DCC: variants seen among roughly 807,000 people sequenced by gnomAD.
The protein encoded by DCC is netrin receptor DCC.
Under a neutral mutation model 172.5 loss-of-function variants are expected in DCC, and 58 were observed. That is an observed-to-expected ratio of 0.34 (90% CI 0.27 to 0.42). The LOEUF (loss-of-function observed/expected upper bound fraction) is 0.42. Ranked by LOEUF, DCC falls within the 10% of genes least tolerant of loss-of-function variation. The pLI, the probability that DCC is intolerant of heterozygous loss-of-function variation, is 1.00. For missense variants in DCC, 1,740 were observed against 1,791.0 expected (o/e 0.97, Z 0.51); for synonymous variants, 709 against 644.5 (o/e 1.10, Z -1.52).
intron 12 of DCC, among the ~76,000 whole-genome samples, chr18:53,285,426 C>A (rs1375551507): frequency 6.6e-6 from 1 of 152,208 alleles, no homozygotes; most frequent in East Asian, 1.9e-4. Flanking sequence ...AGCCCCAAAC[C>A]TTGGAAGCTT....
chr18:53,460,219 T>A (rs1011127038), intron 24 of DCC, among the ~76,000 whole-genome samples: 6 of 107,864 alleles, frequency 5.6e-5, no homozygotes, highest in African/African-American at 1.7e-4. Context: ...CCAAATACTA[T>A]CATCAAAAAA....
At chr18:53,281,803 A>G (rs930909323) in intron 12 of DCC, among the ~76,000 whole-genome samples, 6 of 141,932 alleles carry the variant, frequency 4.2e-5, no homozygotes, top group Non-Finnish European at 6.0e-5. Context: ...GCACTTTGCC[A>G]GTATACCACC....
At chr18:53,101,566 C>T (rs2043172457) in intron 7 of DCC, among the ~76,000 whole-genome samples, 1 of 152,120 alleles carries the variant, frequency 6.6e-6, no homozygotes, top group Admixed American at 6.6e-5. Context: ...AATAAGCTCA[C>T]AGGGGTATTT....
chr18:52,385,241 A>G (rs1985747403), intron 1 of DCC, among the ~76,000 whole-genome samples: 1 of 152,116 alleles, frequency 6.6e-6, no homozygotes, highest in South Asian at 2.1e-4. Context: ...AATAGCCAGC[A>G]AGGCTTCATT....
intron 1 of DCC, among the ~76,000 whole-genome samples, chr18:52,706,118 A>C (rs535799517): frequency 1.3e-5 from 2 of 152,220 alleles, no homozygotes; most frequent in Non-Finnish European, 2.9e-5. Context: ...TGTGTTATTC[A>C]GAAATGTATA....
chr18:52,398,974 A>G (rs1986337188), intron 1 of DCC, among the ~76,000 whole-genome samples: 1 of 152,008 alleles, frequency 6.6e-6, no homozygotes, highest in Non-Finnish European at 1.5e-5. Context: ...AAATAAATAA[A>G]TAAACAAATA....
intron 1 of DCC, among the ~76,000 whole-genome samples, chr18:52,693,233 A>C (rs564165425): frequency 2.6e-5 from 4 of 151,752 alleles, no homozygotes; most frequent in African/African-American, 9.7e-5. Context: ...ATGTGTGTAC[A>C]CATGGGCAGT....
intron 9 of DCC, among the ~76,000 whole-genome samples, chr18:53,196,901 C>G (rs2055451120): frequency 6.6e-6 from 1 of 151,994 alleles, no homozygotes; most frequent in African/African-American, 2.4e-5. Flanking sequence ...TCTTCCTAGC[C>G]AAATTACTGT....
intron 5 of DCC, among the ~76,000 whole-genome samples, chr18:53,028,401 C>A (rs2143948438): frequency 6.6e-6 from 1 of 152,194 alleles, no homozygotes; most frequent in Admixed American, 6.6e-5. Flanking sequence ...ACAGACTTGC[C>A]TCTTTTCACC....
intron 2 of DCC, among the ~76,000 whole-genome samples, chr18:52,798,084 T>TTGC (rs1555664365): frequency 1.3e-5 from 2 of 152,154 alleles, no homozygotes; most frequent in South Asian, 2.1e-4. Context: ...GCACAAAGGC[T>TTGC]ACACATAGCA....
At chr18:53,489,187 C>T (rs1249193877) in intron 26 of DCC, among the ~76,000 whole-genome samples, 1 of 151,982 alleles carries the variant, frequency 6.6e-6, no homozygotes, top group African/African-American at 2.4e-5. Flanking sequence ...GATTTTTTAA[C>T]TTTATCTAAA....
Position 53,205,367 on chromosome 18 carries a change from A to G in DCC, c.1722+3A>G. 6.2e-7 allele frequency: 1 copy of G among 1,613,726 alleles called. No individual in the cohort carries two copies. Among genetic ancestry groups the G allele is most frequent in the Non-Finnish European group, 8.5e-7 (1 of 1,179,672 alleles). On this transcript the variant is annotated splice_donor_region_variant and intron_variant, in intron 10 of 28. Transcript: ENST00000442544. ...AGGTGTCCACAGGAAAAGAACAGGT[A>G]GGTGAAGGAATGGACCACACTGCTT...
chr18:52,896,363 T>G (rs1009369852), intron 2 of DCC, among the ~76,000 whole-genome samples: 4 of 152,204 alleles, frequency 2.6e-5, no homozygotes, highest in African/African-American at 9.7e-5. Context: ...GAGTCTGCAT[T>G]TGGCTTAATG....
chr18:53,096,225 GCT>G (rs2144200141), intron 7 of DCC, among the ~76,000 whole-genome samples: 1 of 152,182 alleles, frequency 6.6e-6, no homozygotes, highest in Non-Finnish European at 1.5e-5. Flanking sequence ...TATAGTCCTA[GCT>G]ACTCAGGAGT....
At chr18:52,846,451 G>A (rs35938312) in intron 2 of DCC, among the ~76,000 whole-genome samples, 43,036 of 151,950 alleles carry the variant, frequency 0.28, 7,761 homozygotes, top group Non-Finnish European at 0.41. Flanking sequence ...GAGGTAGGAG[G>A]ATTGCTTGAG....
At chr18:52,605,077 G>A (rs1178086547) in intron 1 of DCC, among the ~76,000 whole-genome samples, 1 of 151,988 alleles carries the variant, frequency 6.6e-6, no homozygotes, top group African/African-American at 2.4e-5. Flanking sequence ...CTATATCATG[G>A]TCACTGACTT....
intron 2 of DCC, among the ~76,000 whole-genome samples, chr18:52,789,964 G>A (rs1446341590): frequency 6.6e-6 from 1 of 152,090 alleles, no homozygotes; most frequent in Admixed American, 6.6e-5. Context: ...ACAAAATTTT[G>A]ACCCTCCCTT....
intron 8 of DCC, among the ~76,000 whole-genome samples, chr18:53,177,420 T>G (rs1031483809): frequency 1.3e-5 from 2 of 152,222 alleles, no homozygotes; most frequent in East Asian, 3.8e-4. Context: ...GGGTGCATAT[T>G]TTAAATACTA....
At chr18:53,290,992 C>A (rs2056997139) in intron 12 of DCC, among the ~76,000 whole-genome samples, 1 of 151,852 alleles carries the variant, frequency 6.6e-6, no homozygotes, top group Non-Finnish European at 1.5e-5. Flanking sequence ...CACGGTGAAA[C>A]CCCTGTCTCT....
Sources: allele counts gnomAD v4.1 joint callset (sites outside exome capture counted in the v4.1 genomes callset), GRCh38; gene constraint gnomAD v4.1.1; transcripts MANE v1.5; gene names NCBI Gene and HGNC (gene_info 2026-07-23, HGNC 2026-07-21).